Variants in CYB5R2 observed in about 807,000 individuals in gnomAD.
The protein encoded by CYB5R2 is NADH-cytochrome b5 reductase 2.
A neutral mutation model predicts 29.8 loss-of-function variants in CYB5R2; 35 were observed. That is an observed-to-expected ratio of 1.17 (90% CI 0.90 to 1.56). CYB5R2 has a LOEUF of 1.56. CYB5R2 is among the 40% of genes most tolerant of loss of function. The pLI is 0.00. For synonymous variants in CYB5R2, 169 were observed against 130.6 expected (o/e 1.29, Z -2.01); for missense variants, 419 against 346.7 (o/e 1.21, Z -1.66).
At chr11:7,672,706 T>TC (rs752366768) in intron 2 of CYB5R2, 42 bp downstream of exon 2, 11 of 1,612,152 alleles carry the variant, frequency 6.8e-6, no homozygotes, top group East Asian at 4.5e-5. Context: ...ATCCCAGCCA[T>TC]CATCCACTTA....
At chr11:7,665,783 C>T (rs912522047) in intron 8 of CYB5R2, 12 of 1,458,614 alleles carry the variant, frequency 8.2e-6, no homozygotes, top group Middle Eastern at 1.7e-4. Context: ...TGCTGTCTGT[C>T]AGCTGTCAGC....
chr11:7,674,139 G>A (rs1855940288), upstream of CYB5R2: 1 of 1,221,396 alleles, frequency 8.2e-7, no homozygotes, highest in Non-Finnish European at 1.0e-6. Flanking sequence ...GGAGAAGGCC[G>A]TCTGGGTGAC....
At chr11:7,673,971 A>G, upstream of CYB5R2, 1 of 1,046,404 alleles carries the variant, frequency 9.6e-7, no homozygotes, top group Non-Finnish European at 1.2e-6. Flanking sequence ...GCTCTGGGTC[A>G]GCCCTGCCCC....
In CYB5R2 at chr11:7,669,753, C is replaced by G. The variant is rs377660399; in HGVS notation, c.152-22G>C. 677 of 1,554,914 alleles carry G rather than the reference C, an allele frequency of 4.4e-4. 11 individuals are homozygous for G. The South Asian group carries it at 6.9e-3, about 16-fold the overall frequency. ...TTACCTATAGAAAAGGCATCAAGCA[C>G]TGAGTCAAAGCATATTTAGCTTAAA... On this transcript the variant is annotated intron_variant, in intron 3 of 8. Transcript: ENST00000299498.
intron 5 of CYB5R2, 48 bp downstream of exon 5, chr11:7,669,157 A>G (rs756138369): frequency 1.9e-6 from 3 of 1,612,064 alleles, no homozygotes; most frequent in Non-Finnish European, 1.7e-6. Context: ...GAACCATTGC[A>G]GGAATCTTCC....
chr11:7,665,891 A>T, intron 8 of CYB5R2: 1 of 1,536,090 alleles, frequency 6.5e-7, no homozygotes, highest in South Asian at 1.2e-5. Flanking sequence ...GTGTTAGTGG[A>T]ACTGCGCAGA....
chr11:7,665,823 ATACCGAGGTG>A, intron 8 of CYB5R2: 2 of 1,532,770 alleles, frequency 1.3e-6, no homozygotes, highest in East Asian at 4.9e-5. Flanking sequence ...ACAACGAGGT[ATACCGAGGTG>A]TGTGAATCAG....
At chr11:7,669,443 T>C in intron 4 of CYB5R2, 109 bp from the exon 5 acceptor site, 3 of 1,394,884 alleles carry the variant, frequency 2.2e-6, no homozygotes. Context: ...AGTGTTCTCC[T>C]CTCTGAATTG....
chr11:7,669,091 TGAA>T lies in CYB5R2; in HGVS notation c.388+111_388+113del, dbSNP rs748031216. On this transcript the variant is annotated intron_variant, in intron 5 of 8. Transcript: ENST00000299498. ...TCATTATGCATTGTGTGTGAATGAA[TGAA>T]GACTAAGGACAACCCCATGTGACTC... 3.9e-6 allele frequency: 5 copies of T among 1,282,864 alleles called. No individual in the cohort carries two copies. In the African/African-American group the frequency reaches 7.3e-5, roughly 19 times the overall value. The allele number at this position is 1,282,864 out of a possible 1,614,324, so 79.5% of individuals were successfully genotyped here.
At chr11:7,673,737 ACGT>A (rs1246874401), upstream of CYB5R2, 8 of 985,916 alleles carry the variant, frequency 8.1e-6, no homozygotes, top group South Asian at 4.7e-5. Flanking sequence ...GACGCCCAAC[ACGT>A]CGTCGAACTG....
intron 6 of CYB5R2, among the ~76,000 whole-genome samples, chr11:7,668,143 C>T (rs1340874634): frequency 6.6e-6 from 1 of 152,218 alleles, no homozygotes; most frequent in African/African-American, 2.4e-5. Context: ...CCTTCAAAGA[C>T]TGCTCTCTTT....
intron 5 of CYB5R2, 89 bp downstream of exon 5, chr11:7,669,116 A>C: frequency 6.6e-7 from 1 of 1,512,452 alleles, no homozygotes; most frequent in Middle Eastern, 1.7e-4. Context: ...ACCCCATGTG[A>C]CTCAAATCTG....
At chr11:7,672,645 G>A in intron 2 of CYB5R2, 103 bp downstream of exon 2, 1 of 960,686 alleles carries the variant, frequency 1.0e-6, no homozygotes, top group Non-Finnish European at 1.5e-6. Context: ...CACACACAGG[G>A]CGGCGGGGAG....
At chr11:7,673,940 G>T (rs541351465), upstream of CYB5R2, 212 of 1,002,924 alleles carry the variant, frequency 2.1e-4, no homozygotes, top group African/African-American at 3.5e-3. Context: ...TGGTCGGGGG[G>T]CTCTCACTCA....
At chr11:7,666,742 TTCCTCCATGTGGATGAAGA>T in intron 7 of CYB5R2, 192 bp from the exon 8 acceptor site, 2 of 478,450 alleles carry the variant, frequency 4.2e-6, no homozygotes, top group Non-Finnish European at 7.6e-6. Flanking sequence ...GTGGATGAAG[TTCCTCCATGTGGATGAAGA>T]ACCTCCATGG....
upstream of CYB5R2, chr11:7,673,763 G>GGCCCGTGC (rs1855909688): frequency 1.0e-6 from 1 of 986,962 alleles, no homozygotes; most frequent in African/African-American, 1.7e-5. Flanking sequence ...GTTGGCCGGG[G>GGCCCGTGC]GCCGCTCCCC....
At chr11:7,672,394 G>A (rs1335551586) in intron 3 of CYB5R2, 57 bp downstream of exon 3, 3 of 1,473,940 alleles carry the variant, frequency 2.0e-6, no homozygotes, top group Non-Finnish European at 2.8e-6. Context: ...TCTGTTAAGA[G>A]AGGAGGGCCT....
chr11:7,673,525 C>G, upstream of CYB5R2: 2 of 985,694 alleles, frequency 2.0e-6, no homozygotes, highest in Non-Finnish European at 2.4e-6. Context: ...CGAGCCGGCC[C>G]GCCCCACTCC....
chr11:7,665,743 A>G, intron 8 of CYB5R2, 197 bp from the exon 9 acceptor site: 1 of 1,284,814 alleles, frequency 7.8e-7, no homozygotes, highest in Non-Finnish European at 1.1e-6. Flanking sequence ...CCCAGGTCCC[A>G]GGCTCACTGC....
Sources: allele counts gnomAD v4.1 joint callset (sites outside exome capture counted in the v4.1 genomes callset), GRCh38; gene constraint gnomAD v4.1.1; transcripts MANE v1.5; gene names NCBI Gene and HGNC (gene_info 2026-07-23, HGNC 2026-07-21).